Variants in ATXN1 observed in about 807,000 individuals in gnomAD.
The protein encoded by ATXN1 is ataxin-1.
ATXN1 carries 8 observed loss-of-function variants against 56.4 expected under a neutral mutation model. The ratio of observed to expected loss-of-function variants is 0.14; its 90% CI spans 0.08 to 0.26. The LOEUF (loss-of-function observed/expected upper bound fraction) is 0.26, where lower values mean the gene tolerates loss of function less well. Ranked by LOEUF, ATXN1 falls within the 10% of genes least tolerant of loss-of-function variation. The probability of loss-of-function intolerance (pLI) is 1.00; values close to 1 mark genes in which losing one functional copy is unlikely to be tolerated. For synonymous variants in ATXN1, 514 were observed against 494.6 expected (o/e 1.04, Z -0.52); for missense variants, 987 against 1,106.5 (o/e 0.89, Z 1.53).
At chr6:16,485,738 T>C (rs1205211764) in intron 6 of ATXN1, 65 of 152,154 alleles carry the variant, frequency 4.3e-4, no homozygotes, top group Admixed American at 4.3e-3. Context: ...ATTCCTGAAG[T>C]AGATAGTTTG....
intron 3 of ATXN1, among the ~76,000 whole-genome samples, chr6:16,650,339 T>TA (rs2113829696): frequency 6.6e-6 from 1 of 152,374 alleles, no homozygotes; most frequent in East Asian, 1.9e-4. Flanking sequence ...ATTCACATTT[T>TA]ACCTTATCAG....
At chr6:16,490,647 C>A (rs1313243979) in intron 5 of ATXN1, among the ~76,000 whole-genome samples, 1 of 152,174 alleles carries the variant, frequency 6.6e-6, no homozygotes, top group Non-Finnish European at 1.5e-5. Flanking sequence ...CTTCCATTTT[C>A]TTTTCCTTTT....
At chr6:16,570,507 T>C (rs1314330467) in intron 4 of ATXN1, among the ~76,000 whole-genome samples, 1 of 152,144 alleles carries the variant, frequency 6.6e-6, no homozygotes, top group African/African-American at 2.4e-5. Context: ...TAGATTAGGG[T>C]CACAGAAATA....
At chr6:16,310,019 C>T (rs915434735) in intron 7 of ATXN1, among the ~76,000 whole-genome samples, 3 of 151,258 alleles carry the variant, frequency 2.0e-5, no homozygotes, top group Non-Finnish European at 4.4e-5. Context: ...TTGCAGTGAG[C>T]CAAGATCATT....
intron 3 of ATXN1, among the ~76,000 whole-genome samples, chr6:16,594,765 G>T (rs532227759): frequency 6.6e-6 from 1 of 152,324 alleles, no homozygotes; most frequent in Non-Finnish European, 1.5e-5. Context: ...ACAGGCGTGA[G>T]CCACCGTGCC....
chr6:16,299,150 G>GAAAC lies in ATXN1; in HGVS notation c.*7175_*7178dup, dbSNP rs567194830. ...GTTATTTTATTAGTACGAGTATACT[G>GAAAC]AAACAATAAACTTGTACTGGTATAC... is the stretch of plus-strand genomic sequence containing the variant. On this transcript the variant is annotated 3_prime_UTR_variant, in exon 8 of 8. Transcript: ENST00000436367. 12 of 152,610 alleles carry GAAAC rather than the reference G, an allele frequency of 7.9e-5. No individual in the cohort carries two copies. Among genetic ancestry groups the GAAAC allele is most frequent in the Non-Finnish European group, 1.3e-4 (9 of 68,018 alleles). The allele number at this position is 152,610 out of a possible 1,614,324, so 9.5% of individuals were successfully genotyped here. A position where few individuals can be genotyped will look rare whatever the true frequency, so the allele number is the denominator to read the frequency against.
chr6:16,669,667 CTT>C (rs11356086), intron 2 of ATXN1, among the ~76,000 whole-genome samples: 1,217 of 113,122 alleles, frequency 0.011, 5 homozygotes, highest in Middle Eastern at 0.075. Flanking sequence ...ACTGAACAAT[CTT>C]TTTTTTTTTT....
chr6:16,653,997 A>G (rs1037677982), intron 3 of ATXN1, among the ~76,000 whole-genome samples: 8 of 152,220 alleles, frequency 5.3e-5, no homozygotes, highest in African/African-American at 1.4e-4. Flanking sequence ...CCTGGGTTCT[A>G]CATCCCCAGA....
At chr6:16,455,959 C>A (rs927801294) in intron 6 of ATXN1, among the ~76,000 whole-genome samples, 1 of 152,068 alleles carries the variant, frequency 6.6e-6, no homozygotes, top group Non-Finnish European at 1.5e-5. Context: ...AGTAGCCAAT[C>A]GCAGGGAGGA....
chr6:16,444,421 T>C (rs1424517724), intron 6 of ATXN1, among the ~76,000 whole-genome samples: 1 of 152,160 alleles, frequency 6.6e-6, no homozygotes, highest in Non-Finnish European at 1.5e-5. Flanking sequence ...AAGGACTCAG[T>C]AGCCAAACTG....
chr6:16,745,304 G>A (rs766477264), intron 2 of ATXN1, among the ~76,000 whole-genome samples: 2 of 152,080 alleles, frequency 1.3e-5, no homozygotes, highest in African/African-American at 2.4e-5. Flanking sequence ...CATTCGCTGC[G>A]GCTTTACAAC....
chr6:16,569,299 A>G (rs1241246396), intron 4 of ATXN1, among the ~76,000 whole-genome samples: 5 of 152,114 alleles, frequency 3.3e-5, no homozygotes, highest in African/African-American at 1.2e-4. Context: ...TGGGCGGATC[A>G]CCTGAGGTCA....
At chr6:16,472,211 T>C (rs1410573018) in intron 6 of ATXN1, among the ~76,000 whole-genome samples, 6 of 152,226 alleles carry the variant, frequency 3.9e-5, no homozygotes, top group Non-Finnish European at 7.3e-5. Flanking sequence ...TATTTTTTTT[T>C]ACTGTCTACT....
chr6:16,323,743 A>G (rs2113403370), intron 7 of ATXN1, among the ~76,000 whole-genome samples: 1 of 152,090 alleles, frequency 6.6e-6, no homozygotes, highest in South Asian at 2.1e-4. Context: ...AGTACCATGA[A>G]AAGCAATGAC....
In ATXN1 at chr6:16,301,645, G is replaced by A. The variant is rs181447347; in HGVS notation, c.*4684C>T. On this transcript the variant is annotated 3_prime_UTR_variant, in exon 8 of 8. Coordinates refer to ENST00000436367, the MANE Select transcript of ATXN1 (RefSeq NM_001128164.2). Reference sequence around the variant, plus strand: ...CTTTCACATCACCACCGAAGAAACCGAATTGGGCCATGGAGTCTGCTGGCC... The same window carrying A: ...CTTTCACATCACCACCGAAGAAACCAAATTGGGCCATGGAGTCTGCTGGCC... 3.2e-4 allele frequency: 49 copies of A among 151,974 alleles called. No individual in the cohort carries two copies. Among genetic ancestry groups the A allele is most frequent in the African/African-American group, 1.2e-3 (48 of 41,284 alleles). The allele number at this position is 151,974 out of a possible 1,614,324, so 9.4% of individuals were successfully genotyped here. A position where few individuals can be genotyped will look rare whatever the true frequency, so the allele number is the denominator to read the frequency against.
intron 6 of ATXN1, among the ~76,000 whole-genome samples, chr6:16,388,077 T>C (rs1758277382): frequency 6.6e-6 from 1 of 152,128 alleles, no homozygotes; most frequent in Non-Finnish European, 1.5e-5. Flanking sequence ...CAATCTTGGT[T>C]TTCATGATGG....
At chr6:16,343,885 G>T (rs1361479937) in intron 6 of ATXN1, among the ~76,000 whole-genome samples, 1 of 152,208 alleles carries the variant, frequency 6.6e-6, no homozygotes, top group East Asian at 1.9e-4. Flanking sequence ...AAATATGCCT[G>T]CTGCAGGCCT....
intron 6 of ATXN1, among the ~76,000 whole-genome samples, chr6:16,460,121 T>C (rs1759961103): frequency 6.6e-6 from 1 of 152,060 alleles, no homozygotes; most frequent in Non-Finnish European, 1.5e-5. Flanking sequence ...CACTCTATAC[T>C]CTAATCAAGG....
At chr6:16,409,724 AT>A (rs1300074765) in intron 6 of ATXN1, among the ~76,000 whole-genome samples, 1 of 151,960 alleles carries the variant, frequency 6.6e-6, no homozygotes, top group Non-Finnish European at 1.5e-5. Context: ...TAGGTCTAAA[AT>A]TGTTGTAAGA....
Sources: allele counts gnomAD v4.1 joint callset (sites outside exome capture counted in the v4.1 genomes callset), GRCh38; gene constraint gnomAD v4.1.1; transcripts MANE v1.5; gene names NCBI Gene and HGNC (gene_info 2026-07-23, HGNC 2026-07-21).